The following CXADR variants were observed in gnomAD, a reference collection of about 807,000 sequenced individuals.
CXADR encodes the protein coxsackievirus and adenovirus receptor.
Under a neutral mutation model 40.3 loss-of-function variants are expected in CXADR, and 20 were observed. The observed-to-expected ratio is 0.50, with a 90% CI of 0.35 to 0.72. The LOEUF is 0.72. Ranked by LOEUF, CXADR falls within the 30% of genes least tolerant of loss-of-function variation. The pLI, the probability that CXADR is intolerant of heterozygous loss-of-function variation, is 0.01. For synonymous variants in CXADR, 150 were observed against 161.3 expected (o/e 0.93, Z 0.53); for missense variants, 332 against 449.1 (o/e 0.74, Z 2.36).
At chr21:17,593,841 TATAA>T (rs1426345796), downstream of CXADR, 7 of 458,634 alleles carry the variant, frequency 1.5e-5, no homozygotes, top group African/African-American at 6.0e-5. Context: ...ATGCACAATA[TATAA>T]ATACTCAAGT....
At chr21:17,584,009 A>G (rs186779503) in intron 7 of CXADR, among the ~76,000 whole-genome samples, 44 of 152,336 alleles carry the variant, frequency 2.9e-4, no homozygotes, top group African/African-American at 1.0e-3. Flanking sequence ...CGAGGCTTGC[A>G]TACATAGGAC....
downstream of CXADR, among the ~76,000 whole-genome samples, chr21:17,571,780 A>G (rs1398160205): frequency 6.6e-6 from 1 of 152,216 alleles, no homozygotes; most frequent in African/African-American, 2.4e-5. Context: ...AGAAGCTATT[A>G]GGTTTTCCAA....
chr21:17,552,063 AT>A (rs2060976388), intron 3 of CXADR, 110 bp downstream of exon 3: 6 of 784,636 alleles, frequency 7.6e-6, no homozygotes, highest in Non-Finnish European at 1.2e-5. Flanking sequence ...TAGAATAACA[AT>A]TTTAAACACT....
chr21:17,540,273 T>A (rs1483887025), intron 1 of CXADR, among the ~76,000 whole-genome samples: 1 of 152,142 alleles, frequency 6.6e-6, no homozygotes, highest in Non-Finnish European at 1.5e-5. Context: ...GGATTCAACA[T>A]ATGAATTTTG....
intron 1 of CXADR, among the ~76,000 whole-genome samples, chr21:17,528,288 A>T (rs2060624381): frequency 6.6e-6 from 1 of 150,930 alleles, no homozygotes; most frequent in Non-Finnish European, 1.5e-5. Context: ...GTTGTCCAGG[A>T]TGGTCTCAAT....
At chr21:17,514,178 C>T (rs1202971048) in intron 1 of CXADR, among the ~76,000 whole-genome samples, 2 of 151,896 alleles carry the variant, frequency 1.3e-5, no homozygotes, top group African/African-American at 2.4e-5. Flanking sequence ...TCCTAGGAGG[C>T]GCACTTAGTA....
In CXADR at chr21:17,585,621, G is replaced by A. The variant is rs143229142; in HGVS notation, c.1018-7531G>A. Among the ~76,000 whole-genome samples, 1,208 of 152,054 alleles carry A rather than the reference G, an allele frequency of 7.9e-3. 15 individuals carry two copies. The highest frequency in any genetic ancestry group is 0.028 in the African/African-American group (1,150 of 41,470). ...CAACCTCCGCCTCCCAGGTTCAAGC[G>A]ATTCTCCTGCCTCAGCCTCCTGAGT... is the stretch of plus-strand genomic sequence containing the variant. On this transcript the variant is annotated intron_variant, in intron 7 of 7. Transcript: ENST00000400169.
chr21:17,528,068 C>CTTTTTTTTTTTTT (rs35477813), intron 1 of CXADR, among the ~76,000 whole-genome samples: 12 of 78,350 alleles, frequency 1.5e-4, no homozygotes, highest in Non-Finnish European at 2.3e-4. Context: ...TTAGTTCTTT[C>CTTTTTTTTTTTTT]TTTTTTTTTT....
chr21:17,527,790 A>AT (rs1311671111), intron 1 of CXADR, among the ~76,000 whole-genome samples: 1 of 150,530 alleles, frequency 6.6e-6, no homozygotes, highest in Non-Finnish European at 1.5e-5. Flanking sequence ...CTCCTTTTTT[A>AT]TTTTTTTATT....
At position 17,533,906 on chromosome 21, in the gene CXADR, C is replaced by T. The variant is rs533201320; in HGVS notation, c.44-13121C>T. Among the ~76,000 whole-genome samples, 9 of 150,740 alleles carry T rather than the reference C, an allele frequency of 6.0e-5. 2 individuals are homozygous for T. Among genetic ancestry groups the T allele is most frequent in the South Asian group, 2.1e-4 (1 of 4,770 alleles). Reference sequence around the variant, plus strand: ...TTCCTTAGCTCTGAGTACATATTAACAGTCTATACTGAGTAACACTCGTGG... The same window carrying T: ...TTCCTTAGCTCTGAGTACATATTAATAGTCTATACTGAGTAACACTCGTGG... On this transcript the variant is annotated intron_variant, in intron 1 of 6. Transcript: ENST00000284878.
chr21:17,549,347 T>C (rs1001547820), intron 2 of CXADR, among the ~76,000 whole-genome samples: 2 of 152,330 alleles, frequency 1.3e-5, no homozygotes, highest in Non-Finnish European at 1.5e-5. Flanking sequence ...TGTTTCCTCA[T>C]GTGTAAAGTA....
At chr21:17,513,705 G>T (rs951897009) in intron 1 of CXADR, among the ~76,000 whole-genome samples, 1 of 152,216 alleles carries the variant, frequency 6.6e-6, no homozygotes, top group African/African-American at 2.4e-5. Flanking sequence ...GAGGCGCTGA[G>T]CGAACGCCAG....
rs76877390 is a variant in CXADR, at chr21:17,565,463, C to T, written c.869C>T (p.Thr290Ile). 5 of 1,613,962 alleles carry T rather than the reference C, an allele frequency of 3.1e-6. No homozygotes were observed. The highest frequency in any genetic ancestry group is 3.4e-6 in the Non-Finnish European group (4 of 1,179,858). ...DVPPPKSRTS[T>I]ARSYIGSNHS... ...CCACCTCCAAAGAGCCGTACGTCCA[C>T]TGCCAGAAGCTACATCGGCAGTAAT... Residue 290 changes from threonine to isoleucine, a missense_variant, in exon 7 of 7, where the codon ACT becomes ATT. Physicochemically the swap from Thr to Ile is moderately conservative, Grantham distance 89. Around this residue, in one of 3 missense-constraint regions of CXADR, gnomAD observed 150 missense variants for 194.2 expected, o/e 0.77. Transcript: ENST00000284878.
chr21:17,590,573 G>A (rs527577930), intron 7 of CXADR, among the ~76,000 whole-genome samples: 10 of 152,090 alleles, frequency 6.6e-5, no homozygotes, highest in East Asian at 3.9e-4. Flanking sequence ...TTCGCAGTAC[G>A]AGTCAATGCC....
chr21:17,526,017 A>G (rs192926813), intron 1 of CXADR, among the ~76,000 whole-genome samples: 2 of 152,358 alleles, frequency 1.3e-5, no homozygotes, highest in East Asian at 3.9e-4. Context: ...TTCCCCATGT[A>G]TTCAAATGAA....
rs745640939 is a variant in CXADR, at chr21:17,565,569, CTT to C, written c.977_978del (p.Phe326Ter). 2 of 1,613,712 alleles carry C rather than the reference CTT, an allele frequency of 1.2e-6. No individual in the cohort carries two copies. Among genetic ancestry groups the C allele is most frequent in the South Asian group, 2.2e-5 (2 of 91,070 alleles). ...AGTATAACCAAGTACCAAGTGAAGACTTTGAACGCACTCCTCAGAGTCCGACT... is the reference window on the plus strand; with the variant it reads ...AGTATAACCAAGTACCAAGTGAAGACTGAACGCACTCCTCAGAGTCCGACT... ...TQYNQVPSED[F>X]ERTPQSPTLP... On this transcript the variant is annotated frameshift_variant, in exon 7 of 7. Transcript: ENST00000284878. LOFTEE classifies it high-confidence loss of function.
At chr21:17,550,454 C>T (rs2824349) in intron 2 of CXADR, among the ~76,000 whole-genome samples, 5,749 of 151,456 alleles carry the variant, frequency 0.038, 359 homozygotes, top group African/African-American at 0.13. Context: ...CAAGAAGTTT[C>T]TGCAGAATAA....
chr21:17,600,249 GCA>G, the CXADR span, among the ~76,000 whole-genome samples: 1 of 151,990 alleles, frequency 6.6e-6, no homozygotes, highest in African/African-American at 2.4e-5. Context: ...TAAATAGATT[GCA>G]CAGTGTCAAC....
At chr21:17,545,097 T>C (rs1421343003) in intron 1 of CXADR, among the ~76,000 whole-genome samples, 1 of 108,318 alleles carries the variant, frequency 9.2e-6, no homozygotes, top group African/African-American at 4.6e-5. Context: ...TTTTTTTTTT[T>C]GGTGGGAGCA....
Sources: gnomAD v4.1 joint callset for allele counts (sites outside exome capture counted in the v4.1 genomes callset) on GRCh38, gnomAD v4.1.1 for gene constraint, gnomAD v4.1.1 regional missense constraint, MANE v1.5 for transcripts, NCBI Gene and HGNC (gene_info 2026-07-23, HGNC 2026-07-21) for gene names.